The following RORB variants were observed in gnomAD, a reference collection of about 807,000 sequenced individuals.
RORB encodes the protein RAR related orphan receptor B, also known as nuclear receptor ROR-beta.
Under a neutral mutation model 59.1 loss-of-function variants are expected in RORB, and 6 were observed. The ratio of observed to expected loss-of-function variants is 0.10; its 90% CI spans 0.06 to 0.20. RORB has a LOEUF of 0.20. Ranked by LOEUF, RORB falls within the 10% of genes least tolerant of loss-of-function variation. RORB has a pLI of 1.00. For synonymous variants in RORB, 215 were observed against 204.5 expected (o/e 1.05, Z -0.44); for missense variants, 320 against 560.5 (o/e 0.57, Z 4.33).
intron 1 of RORB, among the ~76,000 whole-genome samples, chr9:74,568,542 A>C (rs1031221159): frequency 7.9e-5 from 12 of 152,084 alleles, no homozygotes; most frequent in African/African-American, 2.9e-4. Flanking sequence ...TCTACTAAAA[A>C]TACAAAAATT....
At chr9:74,540,789 C>T (rs990102629) in intron 1 of RORB, among the ~76,000 whole-genome samples, 6 of 152,090 alleles carry the variant, frequency 3.9e-5, no homozygotes, top group Non-Finnish European at 5.9e-5. Flanking sequence ...ATAAATATAT[C>T]ATCTTGTAGG....
At chr9:74,498,302 G>A (rs898210511) in intron 1 of RORB, 6 of 429,896 alleles carry the variant, frequency 1.4e-5, no homozygotes, top group Non-Finnish European at 2.5e-5. Context: ...AAGCGGACGC[G>A]GGATGGAGAA....
chr9:74,555,659 C>T (rs916756700), intron 1 of RORB, among the ~76,000 whole-genome samples: 4 of 152,184 alleles, frequency 2.6e-5, no homozygotes, highest in Non-Finnish European at 4.4e-5. Flanking sequence ...TGGCAGCTCC[C>T]TGTATGTTAT....
chr9:74,520,283 T>G (rs1467267361), intron 1 of RORB, among the ~76,000 whole-genome samples: 1 of 151,956 alleles, frequency 6.6e-6, no homozygotes, highest in Non-Finnish European at 1.5e-5. Context: ...CACACAAATA[T>G]AAAGTTGTTA....
At chr9:74,683,855 G>C (rs1824590257) in intron 9 of RORB, among the ~76,000 whole-genome samples, 2 of 152,128 alleles carry the variant, frequency 1.3e-5, no homozygotes, top group South Asian at 2.1e-4. Flanking sequence ...CTACAAACAA[G>C]AGTCATAATG....
chr9:74,533,790 T>C (rs773301561), intron 1 of RORB, among the ~76,000 whole-genome samples: 1 of 152,040 alleles, frequency 6.6e-6, no homozygotes, highest in Non-Finnish European at 1.5e-5. Context: ...TTACTAAATA[T>C]ATTCGTGCTG....
At chr9:74,561,101 A>C (rs1822390376) in intron 1 of RORB, among the ~76,000 whole-genome samples, 2 of 152,280 alleles carry the variant, frequency 1.3e-5, no homozygotes, top group South Asian at 4.1e-4. Flanking sequence ...ACTCTTCTAC[A>C]TACTCCCAGT....
chr9:74,584,484 A>G (rs1822768722), intron 1 of RORB, among the ~76,000 whole-genome samples: 1 of 152,240 alleles, frequency 6.6e-6, no homozygotes, highest in Non-Finnish European at 1.5e-5. Context: ...GCTTATAGTC[A>G]GTACTCATTT....
At chr9:74,629,217 GT>G (rs1823574562) in intron 1 of RORB, among the ~76,000 whole-genome samples, 1 of 151,186 alleles carries the variant, frequency 6.6e-6, no homozygotes, top group Non-Finnish European at 1.5e-5. Flanking sequence ...TAACACCCAA[GT>G]TGGAAGTAAT....
At chr9:74,620,689 A>G (rs1210364856) in intron 1 of RORB, among the ~76,000 whole-genome samples, 2 of 152,240 alleles carry the variant, frequency 1.3e-5, no homozygotes, top group South Asian at 2.1e-4. Flanking sequence ...ATTTAGTGCT[A>G]TAAATTTCCC....
intron 4 of RORB, among the ~76,000 whole-genome samples, chr9:74,648,724 CA>C (rs1823942463): frequency 6.6e-6 from 1 of 152,080 alleles, no homozygotes; most frequent in South Asian, 2.1e-4. Context: ...GAAAACAAAA[CA>C]AAACAATAAA....
chr9:74,547,042 C>A (rs773755308), intron 1 of RORB, among the ~76,000 whole-genome samples: 1 of 152,050 alleles, frequency 6.6e-6, no homozygotes, highest in Admixed American at 6.6e-5. Context: ...TGCAGTGAGC[C>A]GAGGTCACAC....
At chr9:74,506,425 C>T (rs1825871462) in intron 1 of RORB, among the ~76,000 whole-genome samples, 1 of 151,994 alleles carries the variant, frequency 6.6e-6, no homozygotes, top group South Asian at 2.1e-4. Context: ...TGGTTCCATC[C>T]CAGCACTGTG....
At chr9:74,637,931 A>T (rs143738303) in intron 3 of RORB, among the ~76,000 whole-genome samples, 238 of 152,318 alleles carry the variant, frequency 1.6e-3, no homozygotes, top group Non-Finnish European at 2.8e-3. Flanking sequence ...ACATTTCAAC[A>T]TCACAAGGAG....
chr9:74,534,292 T>A (rs1405615737), intron 1 of RORB, among the ~76,000 whole-genome samples: 2 of 151,980 alleles, frequency 1.3e-5, no homozygotes, highest in African/African-American at 4.8e-5. Flanking sequence ...TAACTATGAT[T>A]GATAATGGCC....
chr9:74,617,923 AC>A (rs1347207228), intron 1 of RORB, among the ~76,000 whole-genome samples: 1 of 152,228 alleles, frequency 6.6e-6, no homozygotes, highest in African/African-American at 2.4e-5. Context: ...TGAAATAAGA[AC>A]TAAAATTATC....
intron 9 of RORB, among the ~76,000 whole-genome samples, chr9:74,676,685 T>C (rs559692423): frequency 5.9e-4 from 90 of 152,368 alleles, no homozygotes; most frequent in African/African-American, 2.0e-3. Context: ...CTATAGTTAC[T>C]TTGCTGAAGT....
At chr9:74,600,550 A>G (rs1024844323) in intron 1 of RORB, among the ~76,000 whole-genome samples, 1 of 152,174 alleles carries the variant, frequency 6.6e-6, no homozygotes, top group African/African-American at 2.4e-5. Context: ...CACAATTGTC[A>G]TTTCAGATCT....
At chr9:74,585,337 G>A (rs770590098) in intron 1 of RORB, among the ~76,000 whole-genome samples, 1 of 152,162 alleles carries the variant, frequency 6.6e-6, no homozygotes, top group Non-Finnish European at 1.5e-5. Flanking sequence ...AGGACTGAAA[G>A]AGTAAAAATA....
Sources: allele counts gnomAD v4.1 joint callset (sites outside exome capture counted in the v4.1 genomes callset), GRCh38; gene constraint gnomAD v4.1.1; transcripts MANE v1.5; gene names NCBI Gene and HGNC (gene_info 2026-07-23, HGNC 2026-07-21).